Variants in TOM1L1 observed in about 807,000 individuals in gnomAD.
TOM1L1 encodes the protein target of myb1 like 1 membrane trafficking protein.
TOM1L1 carries 64 observed loss-of-function variants against 63.4 expected under a neutral mutation model. The ratio of observed to expected loss-of-function variants is 1.01; its 90% confidence interval spans 0.83 to 1.24. TOM1L1 has a LOEUF of 1.24. Among genes scored for constraint, TOM1L1 ranks in the 50% most tolerant of loss-of-function variants. TOM1L1 has a pLI of 0.00. For missense variants in TOM1L1, 536 were observed against 567.0 expected, an observed-to-expected ratio of 0.95 and a Z score of 0.55; for synonymous variants, 166 against 194.4, an observed-to-expected ratio of 0.85 and a Z score of 1.22.
chr17:54,944,463 A>AAG lies in TOM1L1; in HGVS notation c.1131-2797_1131-2796insGA, dbSNP rs1491080327. Among the ~76,000 whole-genome samples the AAG allele has an allele frequency of 2.7e-5, 4 of 148,034 alleles. 1 individual carries two copies. In the South Asian group the frequency reaches 8.6e-4, roughly 32 times the overall value. The stretch of plus-strand genomic sequence containing the variant: ...AGACTCTATCTCAAAAAAAAAAAAA[A>AAG]ATTCAAGAAGAGAAAAATAGTCTAT... On this transcript the variant is annotated intron_variant, in intron 11 of 15. Coordinates refer to ENST00000575882, the MANE Select transcript of TOM1L1 (RefSeq NM_005486.3).
chr17:54,900,994 T>C lies in TOM1L1; in HGVS notation c.58+71T>C, dbSNP rs774191752. On this transcript the variant is annotated intron_variant, in intron 1 of 15. Transcript: ENST00000575882. ...GGATCCTTTCCTGCTTGATCCATTC[T>C]CGGCCTGCAGAGGACGGAGTTAGTC... The C allele has an allele frequency of 1.7e-3, 2,710 of 1,604,770 alleles. 4 individuals are homozygous for C. Among genetic ancestry groups the C allele is most frequent in the Non-Finnish European group, 2.1e-3 (2,505 of 1,174,184 alleles).
chr17:54,943,169 G>T (rs73990214), intron 11 of TOM1L1, among the ~76,000 whole-genome samples: 1,634 of 152,146 alleles, frequency 0.011, 26 homozygotes, highest in African/African-American at 0.036. Context: ...CATTTTACTT[G>T]TAACTTAACT....
chr17:54,959,154 T>C (rs1298992792), intron 14 of TOM1L1: 4 of 152,184 alleles, frequency 2.6e-5, no homozygotes, highest in African/African-American at 9.6e-5. Flanking sequence ...TAGGGAAACA[T>C]TAAAATTGTA....
intron 1 of TOM1L1, 170 bp downstream of exon 1, chr17:54,901,093 C>T (rs2048319616): frequency 2.3e-6 from 2 of 880,896 alleles, no homozygotes; most frequent in East Asian, 5.3e-5. Context: ...CCCCTTTCGT[C>T]GTTTCCTTCT....
intron 7 of TOM1L1, among the ~76,000 whole-genome samples, chr17:54,917,807 G>T (rs148910867): frequency 7.2e-4 from 110 of 152,284 alleles, no homozygotes; most frequent in Middle Eastern, 6.8e-3. Context: ...TATTTTCAGA[G>T]TATGGTATAG....
chr17:54,947,479 T>C (rs2049139935), intron 12 of TOM1L1, 167 bp downstream of exon 12: 1 of 654,874 alleles, frequency 1.5e-6, no homozygotes, highest in African/African-American at 1.8e-5. Context: ...TTGTATTTGC[T>C]ATCTCCACTT....
chr17:54,930,269 G>A, intron 8 of TOM1L1, 63 bp downstream of exon 8: 1 of 1,603,112 alleles, frequency 6.2e-7, no homozygotes, highest in Non-Finnish European at 8.5e-7. Flanking sequence ...CAATTACTCA[G>A]CATTCTTATC....
intron 9 of TOM1L1, 120 bp downstream of exon 9, chr17:54,936,829 G>T: frequency 1.2e-6 from 1 of 832,266 alleles, no homozygotes; most frequent in Non-Finnish European, 1.9e-6. Context: ...AATTTGGAGT[G>T]GTTTTAATGG....
Position 54,943,213 on chromosome 17 carries a change from C to T in TOM1L1, c.1131-4048C>T, listed in dbSNP as rs201777027. Among the ~76,000 whole-genome samples the T allele has an allele frequency of 8.4e-4, 128 of 152,070 alleles. No homozygotes were observed. In the East Asian group the frequency reaches 0.011, roughly 14 times the overall value. On this transcript the variant is annotated intron_variant, in intron 11 of 15. Coordinates refer to ENST00000575882, the MANE Select transcript of TOM1L1 (RefSeq NM_005486.3). The stretch of plus-strand genomic sequence containing the variant: ...AGATTAGGAGTTTCTTAGAAATAGC[C>T]TATAGTTGGTTCATGCATTTTTATA...
chr17:54,952,088 C>T (rs2049262484), intron 14 of TOM1L1: 1 of 152,098 alleles, frequency 6.6e-6, no homozygotes, highest in African/African-American at 2.4e-5. Context: ...GTTGCAAAGG[C>T]ACCTACAGTT....
At chr17:54,933,921 G>A (rs2048905540) in intron 8 of TOM1L1, among the ~76,000 whole-genome samples, 1 of 152,200 alleles carries the variant, frequency 6.6e-6, no homozygotes, top group South Asian at 2.1e-4. Flanking sequence ...ACAACTCAAA[G>A]CAGGGAAGGG....
chr17:54,915,901 C>T, intron 7 of TOM1L1, 39 bp downstream of exon 7: 2 of 1,501,882 alleles, frequency 1.3e-6, no homozygotes, highest in East Asian at 2.3e-5. Context: ...CAAAGTGTCT[C>T]TTAAAGTTAT....
chr17:54,903,180 C>T (rs1292578614), intron 1 of TOM1L1, among the ~76,000 whole-genome samples: 6 of 152,186 alleles, frequency 3.9e-5, no homozygotes, highest in Admixed American at 2.6e-4. Flanking sequence ...AAGTTCTTTC[C>T]TCCTGTCCCC....
intron 8 of TOM1L1, among the ~76,000 whole-genome samples, chr17:54,933,088 T>C (rs1471273008): frequency 1.3e-5 from 2 of 152,248 alleles, no homozygotes; most frequent in Non-Finnish European, 2.9e-5. Flanking sequence ...TTTCTCTGGC[T>C]GCTGTCACAA....
In TOM1L1 at chr17:54,914,699, G is replaced by A. The variant is rs2048558005; in HGVS notation, c.559G>A (p.Val187Ile). 6.2e-7 allele frequency: 1 copy of A among 1,613,850 alleles called. No homozygotes were observed. Among genetic ancestry groups the A allele is most frequent in the South Asian group, 1.1e-5 (1 of 91,090 alleles). Residue 187 changes from valine to isoleucine, a missense_variant, in exon 6 of 16, where the codon GTA becomes ATA. Coordinates refer to ENST00000575882, the MANE Select transcript of TOM1L1 (RefSeq NM_005486.3). Reference protein sequence around the residue: ...SVPTAPALSSVIAPKNSTVTL... With the variant: ...SVPTAPALSSIIAPKNSTVTL... ...CCCTACTGCACCAGCTCTTTCTTCT[G>A]TAATTGCTCCAAAGAACTCGACTGT...
chr17:54,917,109 A>T (rs1333970032), intron 7 of TOM1L1: 1 of 152,184 alleles, frequency 6.6e-6, no homozygotes, highest in East Asian at 1.9e-4. Flanking sequence ...GAAGAGATAT[A>T]TGTACATGTG....
chr17:54,937,252 G>T, intron 10 of TOM1L1, 26 bp downstream of exon 10: 2 of 1,529,016 alleles, frequency 1.3e-6, no homozygotes, highest in Non-Finnish European at 1.8e-6. Context: ...GGTCTTTTCA[G>T]ACCAGCAGAA....
chr17:54,941,532 G>A (rs1403446267), intron 11 of TOM1L1, among the ~76,000 whole-genome samples: 1 of 152,146 alleles, frequency 6.6e-6, no homozygotes, highest in African/African-American at 2.4e-5. Flanking sequence ...GATTGAAGTC[G>A]CTTGGTAAAT....
At chr17:54,926,271 T>A (rs149430759) in intron 7 of TOM1L1, among the ~76,000 whole-genome samples, 111 of 152,316 alleles carry the variant, frequency 7.3e-4, no homozygotes, top group African/African-American at 2.6e-3. Flanking sequence ...AACGTGATGA[T>A]TCTGAGACTC....
Sources: allele counts gnomAD v4.1 joint callset (sites outside exome capture counted in the v4.1 genomes callset), GRCh38; gene constraint gnomAD v4.1.1; transcripts MANE v1.5; gene names NCBI Gene and HGNC (gene_info 2026-07-23, HGNC 2026-07-21).